RNLS: variants seen among roughly 807,000 people sequenced by gnomAD.
The protein encoded by RNLS is renalase.
In RNLS, 39 loss-of-function variants were observed where a neutral mutation model predicts 39.8. That is an observed-to-expected ratio of 0.98 (90% CI 0.76 to 1.28). RNLS has a LOEUF of 1.28. RNLS is among the 50% of genes most tolerant of loss of function. The probability of loss-of-function intolerance (pLI) is 0.00; values close to 1 mark genes in which losing one functional copy is unlikely to be tolerated. For missense variants in RNLS, 410 were observed against 413.3 expected (o/e 0.99, Z 0.07); for synonymous variants, 147 against 150.7 (o/e 0.98, Z 0.18).
chr10:88,581,315 T>TATATATAC (rs1318796903), intron 3 of RNLS, among the ~76,000 whole-genome samples: 17 of 147,600 alleles, frequency 1.2e-4, no homozygotes, highest in African/African-American at 3.5e-4. Flanking sequence ...TATATATATA[T>TATATATAC]ACATCTATAA....
chr10:88,350,087 G>A (rs1171889434), intron 5 of RNLS, among the ~76,000 whole-genome samples: 3 of 152,016 alleles, frequency 2.0e-5, no homozygotes, highest in African/African-American at 2.4e-5. Flanking sequence ...CATGATTATG[G>A]TTCTTCTTTT....
intron 4 of RNLS, among the ~76,000 whole-genome samples, chr10:88,509,051 T>A (rs1459678249): frequency 6.6e-6 from 1 of 152,110 alleles, no homozygotes; most frequent in East Asian, 1.9e-4. Flanking sequence ...TAAGATTGCC[T>A]ATGTAGGTCT....
chr10:88,285,685 G>A (rs1319311158), intron 6 of RNLS, among the ~76,000 whole-genome samples, 179 bp from the exon 7 acceptor site: 3 of 151,908 alleles, frequency 2.0e-5, no homozygotes, highest in African/African-American at 4.8e-5. Flanking sequence ...CTCACTAAAC[G>A]CCCCTCAACC....
At chr10:88,334,980 C>T (rs957784423) in intron 5 of RNLS, among the ~76,000 whole-genome samples, 1 of 152,038 alleles carries the variant, frequency 6.6e-6, no homozygotes, top group African/African-American at 2.4e-5. Context: ...CGTGAGATAC[C>T]AACTCAGTCA....
chr10:88,556,153 T>G (rs1485801350), intron 4 of RNLS, among the ~76,000 whole-genome samples: 2 of 152,172 alleles, frequency 1.3e-5, no homozygotes, highest in Non-Finnish European at 2.9e-5. Flanking sequence ...AAGACAACTC[T>G]GTTTTTGCAA....
intron 4 of RNLS, among the ~76,000 whole-genome samples, chr10:88,403,039 T>C (rs1043951400): frequency 3.9e-5 from 6 of 151,966 alleles, no homozygotes; most frequent in African/African-American, 1.4e-4. Flanking sequence ...CATCAATTTA[T>C]AGGAAATACA....
At chr10:88,243,596 T>C in the RNLS span, among the ~76,000 whole-genome samples, 1 of 152,240 alleles carries the variant, frequency 6.6e-6, no homozygotes, top group Non-Finnish European at 1.5e-5. Context: ...GATATTTTAA[T>C]TCACAAGAAA....
the RNLS span, among the ~76,000 whole-genome samples, chr10:88,245,065 A>G: frequency 2.0e-5 from 3 of 152,178 alleles, no homozygotes; most frequent in East Asian, 5.8e-4. Context: ...GGAGAGAAGA[A>G]AAAAAGGGGA....
chr10:88,210,919 G>T, the RNLS span, among the ~76,000 whole-genome samples: 1 of 152,144 alleles, frequency 6.6e-6, no homozygotes, highest in Non-Finnish European at 1.5e-5. Flanking sequence ...ACTGAAGGAG[G>T]TTGGCCTATG....
chr10:88,230,467 G>A, the RNLS span, among the ~76,000 whole-genome samples: 13 of 151,966 alleles, frequency 8.6e-5, no homozygotes, highest in African/African-American at 1.4e-4. Context: ...CTTCCCTAAC[G>A]GCCTCCTGCT....
intron 4 of RNLS, among the ~76,000 whole-genome samples, chr10:88,463,274 G>T (rs1477087805): frequency 6.6e-6 from 1 of 151,994 alleles, no homozygotes; most frequent in Non-Finnish European, 1.5e-5. Flanking sequence ...ACCCAGATAT[G>T]CACACAAGGA....
Position 88,583,286 on chromosome 10 carries a change from T to C in RNLS, c.-96A>G. On this transcript the variant is annotated 5_prime_UTR_variant, in exon 1 of 7. Transcript: ENST00000331772. ...CGGCCGAACCGGCGCTAGCGCTCTT[T>C]GGTTCCGTGCTCCCTGGGCCGACCT... 6.5e-7 allele frequency: 1 copy of C among 1,549,992 alleles called. No homozygotes were observed.
intron 4 of RNLS, among the ~76,000 whole-genome samples, chr10:88,518,972 T>C (rs1226229424): frequency 1.3e-5 from 2 of 152,050 alleles, no homozygotes; most frequent in East Asian, 1.9e-4. Flanking sequence ...CTTTAGCTTT[T>C]AGTTTCATAA....
At chr10:88,301,907 A>G (rs1188912852) in intron 6 of RNLS, among the ~76,000 whole-genome samples, 1 of 152,236 alleles carries the variant, frequency 6.6e-6, no homozygotes, top group East Asian at 1.9e-4. Flanking sequence ...GAGGTAATCA[A>G]GAAAAGAGAG....
intron 4 of RNLS, chr10:88,545,418 C>T (rs1564887554): frequency 2.2e-6 from 1 of 455,572 alleles, no homozygotes. Flanking sequence ...GCCTCACAAT[C>T]ACGGTGGAAG....
chr10:88,284,597 G>C lies in RNLS; in HGVS notation c.*757C>G. On this transcript the variant is annotated 3_prime_UTR_variant, in exon 7 of 7. Transcript: ENST00000331772. The stretch of plus-strand genomic sequence containing the variant: ...CAGCACATACTGGAGAACCCATAAA[G>C]TAACAGCAACAGCTATAAAATATAG... 1.0e-6 allele frequency: 1 copy of C among 985,200 alleles called. No homozygotes were observed. Among genetic ancestry groups the C allele is most frequent in the Non-Finnish European group, 1.2e-6 (1 of 829,780 alleles). 61.0% of individuals were successfully genotyped at this position (985,200 alleles called of 1,614,324 possible).
intron 4 of RNLS, among the ~76,000 whole-genome samples, chr10:88,364,633 T>C (rs1849905382): frequency 6.6e-6 from 1 of 152,178 alleles, no homozygotes; most frequent in Non-Finnish European, 1.5e-5. Flanking sequence ...CATTGCTTTC[T>C]CCTGTGACAT....
chr10:88,276,904 T>C (rs1428413952), intron 6 of RNLS, among the ~76,000 whole-genome samples: 1 of 152,242 alleles, frequency 6.6e-6, no homozygotes, highest in Non-Finnish European at 1.5e-5. Flanking sequence ...TATCCTCCCT[T>C]GTTCAAATGT....
At chr10:88,498,200 C>T (rs945733840) in intron 4 of RNLS, among the ~76,000 whole-genome samples, 2 of 151,546 alleles carry the variant, frequency 1.3e-5, no homozygotes, top group Non-Finnish European at 2.9e-5. Flanking sequence ...TTAACATCAC[C>T]AGTGATGATA....
Sources: allele counts gnomAD v4.1 joint callset (sites outside exome capture counted in the v4.1 genomes callset), GRCh38; gene constraint gnomAD v4.1.1; transcripts MANE v1.5; gene names NCBI Gene and HGNC (gene_info 2026-07-23, HGNC 2026-07-21).